SNTG2: variants seen among roughly 807,000 people sequenced by gnomAD.
SNTG2 encodes the protein syntrophin gamma 2.
A neutral mutation model predicts 70.9 loss-of-function variants in SNTG2; 74 were observed. The observed-to-expected ratio is 1.04, with a 90% CI of 0.86 to 1.27. The LOEUF (loss-of-function observed/expected upper bound fraction) is 1.27, where lower values mean the gene tolerates loss of function less well. SNTG2 is among the 50% of genes most tolerant of loss of function. The pLI, the probability that SNTG2 is intolerant of heterozygous loss-of-function variation, is 0.00. For synonymous variants in SNTG2, 278 were observed against 273.8 expected, an observed-to-expected ratio of 1.02 and a Z score of -0.15; for missense variants, 717 against 690.7, an observed-to-expected ratio of 1.04 and a Z score of -0.43.
intron 1 of SNTG2, among the ~76,000 whole-genome samples, chr2:1,071,159 C>A (rs189939793): frequency 7.9e-5 from 12 of 151,986 alleles, no homozygotes; most frequent in Non-Finnish European, 4.4e-5. Context: ...GGGTATATAC[C>A]CAAATGACTA....
intron 9 of SNTG2, among the ~76,000 whole-genome samples, chr2:1,235,184 T>A (rs28546867): frequency 1.8e-5 from 2 of 114,170 alleles, no homozygotes; most frequent in Admixed American, 9.1e-5. Flanking sequence ...CCTACCCCAC[T>A]CTGCCCTGAG....
chr2:1,271,328 C>T (rs1679007269), intron 14 of SNTG2, among the ~76,000 whole-genome samples: 1 of 152,144 alleles, frequency 6.6e-6, no homozygotes, highest in African/African-American at 2.4e-5. Flanking sequence ...AAAGTCATCA[C>T]ATATGCATGT....
At chr2:1,169,228 AC>A (rs759161701) in intron 7 of SNTG2, among the ~76,000 whole-genome samples, 1 of 152,118 alleles carries the variant, frequency 6.6e-6, no homozygotes, top group Non-Finnish European at 1.5e-5. Context: ...AGTGGCTTGG[AC>A]AGGAGGAGGT....
At chr2:1,093,622 C>G (rs1312143356) in intron 2 of SNTG2, among the ~76,000 whole-genome samples, 1 of 152,266 alleles carries the variant, frequency 6.6e-6, no homozygotes, top group Non-Finnish European at 1.5e-5. Context: ...CCTTTTCTCT[C>G]AACTTTGACA....
intron 1 of SNTG2, among the ~76,000 whole-genome samples, chr2:967,418 C>T (rs531845673): frequency 1.1e-4 from 17 of 152,096 alleles, no homozygotes; most frequent in African/African-American, 3.9e-4. Flanking sequence ...AGATTTTTAT[C>T]AGGAGTGGAT....
chr2:1,023,004 TGA>T (rs745835670), intron 1 of SNTG2, among the ~76,000 whole-genome samples: 8 of 152,130 alleles, frequency 5.3e-5, no homozygotes, highest in Non-Finnish European at 1.0e-4. Flanking sequence ...TGGCAGCAAA[TGA>T]GAGTCTCCCA....
In SNTG2 at chr2:1,266,751, C is replaced by CTTTTTTTTTTTTTTTTTTTTTTTTTTT. The variant is rs59679083; in HGVS notation, c.1078-600_1078-599insTTTTTTTTTTTTTTTTTTTTTTTTTTT. Among the ~76,000 whole-genome samples the CTTTTTTTTTTTTTTTTTTTTTTTTTTT allele has an allele frequency of 5.6e-5, 6 of 107,752 alleles. 3 individuals are homozygous for CTTTTTTTTTTTTTTTTTTTTTTTTTTT. The highest frequency in any genetic ancestry group is 1.0e-4 in the Non-Finnish European group (6 of 57,962). 70.7% of individuals were successfully genotyped at this position (107,752 alleles called of 152,430 possible). ...AATGTCTCAAGACTTTCATCTTTAT[C>CTTTTTTTTTTTTTTTTTTTTTTTTTTT]TTTTTTTTTTTTTTCTTGAGACAGG... On this transcript the variant is annotated intron_variant, in intron 13 of 16. Transcript: ENST00000308624.
chr2:1,318,592 A>G (rs1318836671), intron 16 of SNTG2, among the ~76,000 whole-genome samples: 14 of 152,244 alleles, frequency 9.2e-5, no homozygotes, highest in South Asian at 2.1e-4. Flanking sequence ...ACCTCTCAGC[A>G]GGCTGCCCTG....
At chr2:1,025,751 A>G (rs1367463509) in intron 1 of SNTG2, among the ~76,000 whole-genome samples, 2 of 152,096 alleles carry the variant, frequency 1.3e-5, no homozygotes, top group Non-Finnish European at 2.9e-5. Context: ...GTCATCCGGG[A>G]TGACCCCCAT....
At chr2:1,244,259 G>C (rs368891906) in intron 11 of SNTG2, among the ~76,000 whole-genome samples, 1 of 152,114 alleles carries the variant, frequency 6.6e-6, no homozygotes, top group Admixed American at 6.6e-5. Flanking sequence ...CCATTCGCTC[G>C]TTTTTTGTTT....
intron 4 of SNTG2, among the ~76,000 whole-genome samples, chr2:1,122,722 CAAAAAA>C (rs60163290): frequency 0.061 from 7,473 of 121,922 alleles, 254 homozygotes; most frequent in South Asian, 0.2. Flanking sequence ...AGCAATCAGA[CAAAAAA>C]AAAAAAAAAA....
chr2:1,324,068 G>A (rs1172575611), intron 16 of SNTG2, among the ~76,000 whole-genome samples: 2 of 150,706 alleles, frequency 1.3e-5, no homozygotes, highest in African/African-American at 4.9e-5. Flanking sequence ...CCCCTAGTAG[G>A]CTGGGACATG....
Position 1,097,321 on chromosome 2 carries a change from C to T in SNTG2, c.211-875C>T, listed in dbSNP as rs1665458648. On this transcript the variant is annotated intron_variant, in intron 2 of 16. Transcript: ENST00000308624. This position sits in a 1 kb window ranked among gnomAD's most constrained non-coding sequence, Gnocchi z 4.1. ...CTCTGCCACCCTTTTACTTCTTTGT[C>T]CTTGCTTTGCACAGCAGATTCCTTT... Among the ~76,000 whole-genome samples, 2 of 152,210 alleles carry T rather than the reference C, an allele frequency of 1.3e-5. No homozygotes were observed. The highest frequency in any genetic ancestry group is 1.3e-4 in the Admixed American group (2 of 15,290).
At chr2:1,363,121 C>A (rs1327347712) in intron 16 of SNTG2, among the ~76,000 whole-genome samples, 1 of 104,468 alleles carries the variant, frequency 9.6e-6, no homozygotes. Context: ...GAAACCCTCA[C>A]AAAATGGACC....
intron 8 of SNTG2, among the ~76,000 whole-genome samples, chr2:1,175,258 G>A (rs765297387): frequency 1.3e-5 from 2 of 152,156 alleles, no homozygotes; most frequent in Admixed American, 6.5e-5. Context: ...CACCATGAGC[G>A]CAGGCGTGTG....
chr2:1,069,833 A>G (rs1365543838), intron 1 of SNTG2, among the ~76,000 whole-genome samples: 4 of 151,754 alleles, frequency 2.6e-5, no homozygotes, highest in Non-Finnish European at 4.4e-5. Context: ...CAAAAAAGCA[A>G]CCCTAGAAAG....
intron 11 of SNTG2, among the ~76,000 whole-genome samples, chr2:1,243,269 G>A (rs955564467): frequency 2.0e-5 from 3 of 152,176 alleles, no homozygotes; most frequent in Non-Finnish European, 4.4e-5. Flanking sequence ...TAGAAAAGAA[G>A]AAGAGCCCAA....
intron 9 of SNTG2, among the ~76,000 whole-genome samples, chr2:1,211,911 GT>G (rs1279014608): frequency 6.6e-6 from 1 of 152,128 alleles, no homozygotes; most frequent in Non-Finnish European, 1.5e-5. Context: ...AAACACATGT[GT>G]TATTCTTGGT....
chr2:1,116,582 ACGGG>A (rs1666989146), intron 4 of SNTG2, among the ~76,000 whole-genome samples: 1 of 90,678 alleles, frequency 1.1e-5, no homozygotes, highest in Non-Finnish European at 2.3e-5. Flanking sequence ...GCCCTGGTGT[ACGGG>A]TGCCCCGGTG....
Sources: gnomAD v4.1 joint callset for allele counts (sites outside exome capture counted in the v4.1 genomes callset) on GRCh38, gnomAD v4.1.1 for gene constraint, Gnocchi (gnomAD v3.1) non-coding constraint, MANE v1.5 for transcripts, NCBI Gene and HGNC (gene_info 2026-07-23, HGNC 2026-07-21) for gene names.